Variants in IRF2 observed in about 807,000 individuals in gnomAD.
IRF2 encodes interferon regulatory factor 2.
A neutral mutation model predicts 40.6 loss-of-function variants in IRF2; 15 were observed. The observed-to-expected ratio is 0.37, with a 90% confidence interval of 0.25 to 0.57. IRF2 has a LOEUF of 0.57. Among genes scored for constraint, IRF2 ranks in the 20% least tolerant of loss-of-function variants. IRF2 has a pLI of 0.77. For synonymous variants in IRF2, 151 were observed against 165.5 expected (o/e 0.91, Z 0.67); for missense variants, 317 against 455.7 (o/e 0.70, Z 2.77).
intron 6 of IRF2, among the ~76,000 whole-genome samples, chr4:184,402,142 C>T (rs1469997318): frequency 6.6e-6 from 1 of 152,162 alleles, no homozygotes; most frequent in Non-Finnish European, 1.5e-5. Context: ...AGGCCAGCGA[C>T]TAACCATCTA....
chr4:184,418,802 T>A, intron 3 of IRF2, 94 bp from the exon 4 acceptor site: 1 of 1,070,922 alleles, frequency 9.3e-7, no homozygotes, highest in South Asian at 1.5e-5. Context: ...TCAGGCAGTA[T>A]AAGGAAACCT....
At chr4:184,402,077 G>A (rs1046396315) in intron 6 of IRF2, among the ~76,000 whole-genome samples, 97 of 152,310 alleles carry the variant, frequency 6.4e-4, no homozygotes, top group African/African-American at 2.2e-3. Flanking sequence ...AAGGAGCAGC[G>A]GAAGATCGAT....
At chr4:184,456,908 C>T (rs1738961131) in intron 1 of IRF2, among the ~76,000 whole-genome samples, 1 of 152,220 alleles carries the variant, frequency 6.6e-6, no homozygotes, top group Non-Finnish European at 1.5e-5. Flanking sequence ...CTTTGAATAA[C>T]ATCTTCCAAT....
Position 184,408,773 on chromosome 4 carries a change from G to A in IRF2, c.412-498C>T, listed in dbSNP as rs1736961717. Among the ~76,000 whole-genome samples the A allele has an allele frequency of 6.6e-6, 1 of 152,210 alleles. No homozygotes were observed. Among genetic ancestry groups the A allele is most frequent in the Non-Finnish European group, 1.5e-5 (1 of 68,032 alleles). The stretch of plus-strand genomic sequence containing the variant: ...AGAGGACATTGTAGATGAATTCTCT[G>A]CAGATAAGTTTTGCCATGGCCTCTG... On this transcript the variant is annotated intron_variant, in intron 5 of 8. Transcript: ENST00000393593. The surrounding 1 kb of genome is among the most constrained non-coding windows in gnomAD (Gnocchi z 4.9).
intron 1 of IRF2, among the ~76,000 whole-genome samples, chr4:184,467,556 C>A (rs976745380): frequency 3.3e-5 from 5 of 152,098 alleles, no homozygotes; most frequent in African/African-American, 1.2e-4. Flanking sequence ...TGAAATAAAG[C>A]AATTTGTATG....
intron 1 of IRF2, among the ~76,000 whole-genome samples, chr4:184,468,637 T>C (rs1458264257): frequency 1.3e-5 from 2 of 152,238 alleles, no homozygotes; most frequent in African/African-American, 4.8e-5. Context: ...AGAGGTTTCA[T>C]CTGAGCCAAG....
intron 1 of IRF2, among the ~76,000 whole-genome samples, chr4:184,436,210 C>T (rs569680880): frequency 6.6e-5 from 10 of 152,286 alleles, no homozygotes; most frequent in African/African-American, 1.9e-4. Context: ...CTCTTGACCT[C>T]GTGATCCGCC....
chr4:184,444,531 A>G, intron 1 of IRF2, among the ~76,000 whole-genome samples: 1 of 152,274 alleles, frequency 6.6e-6, no homozygotes, highest in Non-Finnish European at 1.5e-5. Context: ...TTGATATTTA[A>G]CAAATAATAG....
intron 2 of IRF2, among the ~76,000 whole-genome samples, chr4:184,423,700 C>G (rs2149902125): frequency 6.6e-6 from 1 of 152,260 alleles, no homozygotes; most frequent in Non-Finnish European, 1.5e-5. Context: ...CTCCTTCCTT[C>G]CTCAAGAAAT....
rs1221090916 is a variant in IRF2, at chr4:184,474,183, A to C, written c.-7+196T>G. On this transcript the variant is annotated intron_variant, in intron 1 of 8. Coordinates refer to ENST00000393593, the MANE Select transcript of IRF2 (RefSeq NM_002199.4). This position sits in a 1 kb window ranked among gnomAD's most constrained non-coding sequence, Gnocchi z 5.6. ...CAGCAGCAGAACCTGCTTCCCCTAAAATCAGATGATCCATAATTGCGCCGA... is the reference window on the plus strand; with the variant it reads ...CAGCAGCAGAACCTGCTTCCCCTAACATCAGATGATCCATAATTGCGCCGA... The C allele has an allele frequency of 6.5e-6, 1 of 152,786 alleles. No homozygotes were observed. Among genetic ancestry groups the C allele is most frequent in the Non-Finnish European group, 1.5e-5 (1 of 68,600 alleles). The allele number at this position is 152,786 out of a possible 1,614,324, so 9.5% of individuals were successfully genotyped here.
chr4:184,425,549 G>A (rs1459973482), intron 2 of IRF2, among the ~76,000 whole-genome samples: 3 of 152,234 alleles, frequency 2.0e-5, no homozygotes, highest in Non-Finnish European at 2.9e-5. Flanking sequence ...GGCACGGGCC[G>A]GCAGCCACGG....
chr4:184,442,580 G>A (rs1403362113), intron 1 of IRF2, among the ~76,000 whole-genome samples: 1 of 152,126 alleles, frequency 6.6e-6, no homozygotes, highest in Non-Finnish European at 1.5e-5. Context: ...CTATCTTAAT[G>A]TTAATTTCAC....
At chr4:184,473,912 ACACAAACACG>A in intron 1 of IRF2, 1 of 152,176 alleles carries the variant, frequency 6.6e-6, no homozygotes, top group Non-Finnish European at 1.5e-5. Context: ...ACGCGCGCAC[ACACAAACACG>A]CACATACACA....
rs528686273 is a variant in IRF2, at chr4:184,472,940, C to A, written c.-7+1439G>T. On this transcript the variant is annotated intron_variant, in intron 1 of 8. Transcript: ENST00000393593. ...AGGAGGAGAGGGTGGCAAACGCACC[C>A]AGACCGGGGGCCAAGGGGAGACGCC... Among the ~76,000 whole-genome samples the A allele has an allele frequency of 1.4e-4, 21 of 152,366 alleles. No homozygotes were observed. The South Asian group carries it at 2.9e-3, about 21-fold the overall frequency.
chr4:184,464,532 C>G (rs1739255910), intron 1 of IRF2, among the ~76,000 whole-genome samples: 1 of 152,192 alleles, frequency 6.6e-6, no homozygotes, highest in African/African-American at 2.4e-5. Flanking sequence ...TTCACTCTCA[C>G]TTCCCCTACA....
chr4:184,428,225 C>CT (rs1195862547), intron 2 of IRF2, among the ~76,000 whole-genome samples: 2 of 152,000 alleles, frequency 1.3e-5, no homozygotes, highest in Non-Finnish European at 2.9e-5. Context: ...AAAAAGAAGG[C>CT]TTTTTTTAAA....
chr4:184,419,636 G>C (rs947496172), intron 2 of IRF2, 68 bp from the exon 3 acceptor site: 1 of 1,060,764 alleles, frequency 9.4e-7, no homozygotes, highest in South Asian at 1.3e-5. Flanking sequence ...ATTGCAAAAG[G>C]TTGTGAAGGT....
chr4:184,456,565 C>G (rs1738942014), intron 1 of IRF2, among the ~76,000 whole-genome samples: 2 of 152,376 alleles, frequency 1.3e-5, no homozygotes, highest in African/African-American at 4.8e-5. Context: ...TCCCTGCCGA[C>G]TGAGCGGAGG....
At chr4:184,461,684 G>GCCCCCCCCC (rs1554017760) in intron 1 of IRF2, among the ~76,000 whole-genome samples, 2 of 40,744 alleles carry the variant, frequency 4.9e-5, no homozygotes, top group Non-Finnish European at 1.1e-4. Context: ...TCCTCTACCC[G>GCCCCCCCCC]CCCCCCCACC....
Sources: allele counts gnomAD v4.1 joint callset (sites outside exome capture counted in the v4.1 genomes callset), GRCh38; gene constraint gnomAD v4.1.1; non-coding constraint Gnocchi (gnomAD v3.1); transcripts MANE v1.5; gene names NCBI Gene and HGNC (gene_info 2026-07-23, HGNC 2026-07-21).